Variants in MOCOS observed in about 807,000 individuals in gnomAD.
The protein encoded by MOCOS is molybdenum cofactor sulfurase, also known as human molybdenum cofactor sulfurase.
In MOCOS, 86 loss-of-function variants were observed where a neutral mutation model predicts 83.6. The ratio of observed to expected loss-of-function variants is 1.03; its 90% CI spans 0.86 to 1.23. MOCOS has a LOEUF of 1.23. Among genes scored for constraint, MOCOS ranks in the 50% most tolerant of loss-of-function variants. The probability of loss-of-function intolerance (pLI) is 0.00; values close to 1 mark genes in which losing one functional copy is unlikely to be tolerated. For missense variants in MOCOS, 1,120 were observed against 1,126.9 expected (o/e 0.99, Z 0.09); for synonymous variants, 445 against 434.7 (o/e 1.02, Z -0.29).
intron 8 of MOCOS, among the ~76,000 whole-genome samples, chr18:36,216,964 C>T (rs12968137): frequency 0.13 from 19,184 of 152,124 alleles, 1,228 homozygotes; most frequent in Admixed American, 0.15. Flanking sequence ...CTCAGATAAT[C>T]CCACCTTAAG....
At position 36,195,313 on chromosome 18, in the gene MOCOS, A is replaced by G. The variant is rs368901046; in HGVS notation, c.199A>G (p.Ser67Gly). 2 of 1,614,182 alleles carry G rather than the reference A, an allele frequency of 1.2e-6. No homozygotes were observed. ...CTTGTTCTCCCAGAGCCAGCTCGAA[A>G]GCTTCACTAGTGATCTCATGGAAAA... is the stretch of plus-strand genomic sequence containing the variant. Reference protein sequence around the residue: ...ATLFSQSQLESFTSDLMENTY... With the variant: ...ATLFSQSQLEGFTSDLMENTY... The change falls in exon 2 of 15, where the codon AGC becomes GGC. Residue 67 changes from serine to glycine, a missense_variant. By Grantham distance (56) the Ser-to-Gly change is moderately conservative (BLOSUM62 0). Coordinates refer to ENST00000261326, the MANE Select transcript of MOCOS (RefSeq NM_017947.4).
At chr18:36,214,187 T>C (rs1598877437) in intron 7 of MOCOS, among the ~76,000 whole-genome samples, 1 of 136,674 alleles carries the variant, frequency 7.3e-6, no homozygotes. Flanking sequence ...GTTGTGGTGG[T>C]GAGCTGAGAT....
rs1040686718 is a variant in MOCOS at position 36,213,632 on chromosome 18, A to G, written c.1335+150A>G. 1.1e-5 allele frequency: 8 copies of G among 754,388 alleles called. No individual in the cohort carries two copies. In the Admixed American group the frequency reaches 1.6e-4, roughly 15 times the overall value. 46.7% of individuals were successfully genotyped at this position (754,388 alleles called of 1,614,324 possible). On this transcript the variant is annotated intron_variant, in intron 7 of 14. Transcript: ENST00000261326. ...TACAAAGGAAAAGGAATACAAATGG[A>G]AAATGCTTCAAGAAGGCCGGGTGCG...
intron 8 of MOCOS, among the ~76,000 whole-genome samples, chr18:36,216,907 G>T (rs191970674): frequency 6.6e-6 from 1 of 152,170 alleles, no homozygotes; most frequent in South Asian, 2.1e-4. Flanking sequence ...AGAACATAGC[G>T]TTGGTCCTGA....
intron 9 of MOCOS, among the ~76,000 whole-genome samples, chr18:36,234,613 T>A (rs2144935772): frequency 6.6e-6 from 1 of 152,302 alleles, no homozygotes. Context: ...TTTGTATATT[T>A]CTTTTAACAG....
intron 6 of MOCOS, among the ~76,000 whole-genome samples, chr18:36,206,063 A>G (rs2091433652): frequency 6.6e-6 from 1 of 151,448 alleles, no homozygotes; most frequent in Non-Finnish European, 1.5e-5. Flanking sequence ...TAACAAAGAA[A>G]AAAAGGTTTA....
intron 2 of MOCOS, among the ~76,000 whole-genome samples, chr18:36,197,357 GT>G (rs2091392866): frequency 6.6e-6 from 1 of 152,124 alleles, no homozygotes; most frequent in Admixed American, 6.5e-5. Context: ...TCTGGAACAT[GT>G]AGAACAGACT....
chr18:36,188,855 T>G (rs2091353825), intron 1 of MOCOS, among the ~76,000 whole-genome samples: 1 of 151,714 alleles, frequency 6.6e-6, no homozygotes, highest in Non-Finnish European at 1.5e-5. Flanking sequence ...CTCTATTCAC[T>G]CCTCATCCTT....
rs188474426 is a variant in MOCOS at position 36,253,387 on chromosome 18, G to A, written c.2164+2104G>A. Among the ~76,000 whole-genome samples the A allele has an allele frequency of 2.0e-5, 3 of 152,286 alleles. No homozygotes were observed. In the East Asian group the frequency reaches 5.8e-4, roughly 29 times the overall value. On this transcript the variant is annotated intron_variant, in intron 11 of 14. Transcript: ENST00000261326. The stretch of plus-strand genomic sequence containing the variant: ...CTGCAACTTAAAAGGAGAGTAGGAG[G>A]CCAGGCGCGGTGGCTCACGCCTGTA...
rs1222544857 is a variant in MOCOS at position 36,268,687 on chromosome 18, A to C, written c.*2A>C. ...AAACACCAGGATGTTACCTCCTAAAAAAAATTTTTAGCATAAAGTTTCTCT... is the reference window on the plus strand; with the variant it reads ...AAACACCAGGATGTTACCTCCTAAACAAAATTTTTAGCATAAAGTTTCTCT... On this transcript the variant is annotated 3_prime_UTR_variant, in exon 15 of 15. Transcript: ENST00000261326. 2 of 1,535,214 alleles carry C rather than the reference A, an allele frequency of 1.3e-6. No homozygotes were observed. The highest frequency in any genetic ancestry group is 1.7e-6 in the Non-Finnish European group (2 of 1,148,952).
At chr18:36,201,976 G>C (rs2144903346) in intron 4 of MOCOS, among the ~76,000 whole-genome samples, 1 of 152,260 alleles carries the variant, frequency 6.6e-6, no homozygotes, top group South Asian at 2.1e-4. Flanking sequence ...GGAGAAGTGG[G>C]GCAGCTCACT....
intron 8 of MOCOS, among the ~76,000 whole-genome samples, chr18:36,219,388 A>G (rs111630463): frequency 1.3e-5 from 2 of 152,228 alleles, no homozygotes; most frequent in African/African-American, 4.8e-5. Context: ...AGGATATACA[A>G]GAGCAAAGGG....
intron 8 of MOCOS, among the ~76,000 whole-genome samples, chr18:36,218,099 G>A (rs1219770705): frequency 6.6e-6 from 1 of 152,166 alleles, no homozygotes; most frequent in African/African-American, 2.4e-5. Flanking sequence ...GAGATATGGT[G>A]GAAGGAGCAG....
At chr18:36,231,410 A>C (rs1396684262) in intron 9 of MOCOS, among the ~76,000 whole-genome samples, 2 of 152,228 alleles carry the variant, frequency 1.3e-5, no homozygotes, top group East Asian at 3.8e-4. Flanking sequence ...TCAAGTACCC[A>C]GGATATTAAC....
intron 9 of MOCOS, among the ~76,000 whole-genome samples, chr18:36,244,623 T>C (rs2091596192): frequency 6.6e-6 from 1 of 152,148 alleles, no homozygotes; most frequent in East Asian, 1.9e-4. Flanking sequence ...TTTTCATAAA[T>C]ATCTGTTAAG....
intron 11 of MOCOS, among the ~76,000 whole-genome samples, chr18:36,251,911 C>A (rs114777576): frequency 0.022 from 3,374 of 152,250 alleles, 127 homozygotes; most frequent in African/African-American, 0.077. Context: ...CAGAACAGCA[C>A]CCTGTACCTG....
In MOCOS at chr18:36,200,258, G is replaced by T. The variant is rs1480483315; in HGVS notation, c.875G>T (p.Gly292Val). The change falls in exon 4 of 15, where the codon GGA becomes GTA. Residue 292 changes from glycine to valine, a missense_variant. Gly to Val is a moderately radical substitution (Grantham distance 109). Coordinates refer to ENST00000261326, the MANE Select transcript of MOCOS (RefSeq NM_017947.4). ...CTACTGAGGAAGACCTACTTTGGAG[G>T]AGGGACAGCCTCTGCGTACCTAGCA... Reference protein sequence around the residue: ...APLLRKTYFGGGTASAYLAGE... With the variant: ...APLLRKTYFGVGTASAYLAGE... 5.6e-6 allele frequency: 9 copies of T among 1,614,184 alleles called. No individual in the cohort carries two copies. The highest frequency in any genetic ancestry group is 7.6e-6 in the Non-Finnish European group (9 of 1,180,028).
intron 11 of MOCOS, among the ~76,000 whole-genome samples, chr18:36,254,681 A>G (rs1391560233): frequency 2.0e-5 from 3 of 151,454 alleles, no homozygotes; most frequent in African/African-American, 4.9e-5. Context: ...TCCTTCTGCA[A>G]CTTGTATTTC....
At chr18:36,227,047 A>G (rs1034557738) in intron 9 of MOCOS, among the ~76,000 whole-genome samples, 1 of 151,288 alleles carries the variant, frequency 6.6e-6, no homozygotes, top group Non-Finnish European at 1.5e-5. Flanking sequence ...CTAAGTCCTA[A>G]GCAGACACAT....
Sources: gnomAD v4.1 joint callset for allele counts (sites outside exome capture counted in the v4.1 genomes callset) on GRCh38, gnomAD v4.1.1 for gene constraint, MANE v1.5 for transcripts, NCBI Gene and HGNC (gene_info 2026-07-23, HGNC 2026-07-21) for gene names.